Variants in STAU2 observed in about 807,000 individuals in gnomAD.
The protein encoded by STAU2 is staufen double-stranded RNA binding protein 2.
STAU2 carries 20 observed loss-of-function variants against 65.9 expected under a neutral mutation model. The observed-to-expected ratio is 0.30, with a 90% confidence interval of 0.21 to 0.44. The LOEUF (loss-of-function observed/expected upper bound fraction) is 0.44. Among genes scored for constraint, STAU2 ranks in the 20% least tolerant of loss-of-function variants. STAU2 has a pLI of 1.00. For missense variants in STAU2, 558 were observed against 683.9 expected, an observed-to-expected ratio of 0.82 and a Z score of 2.05; for synonymous variants, 232 against 233.9, an observed-to-expected ratio of 0.99 and a Z score of 0.07.
intron 12 of STAU2, among the ~76,000 whole-genome samples, chr8:73,573,174 A>G (rs913264061): frequency 1.1e-4 from 17 of 152,352 alleles, no homozygotes; most frequent in African/African-American, 4.1e-4. Flanking sequence ...AGAATACAAT[A>G]CCTAGGAATC....
chr8:73,742,511 C>A (rs996866871), intron 1 of STAU2: 1 of 151,826 alleles, frequency 6.6e-6, no homozygotes. Flanking sequence ...GCCTGGGTGA[C>A]AGAGTAAGAC....
chr8:73,732,175 G>A (rs1301467115), intron 3 of STAU2, among the ~76,000 whole-genome samples: 4 of 152,186 alleles, frequency 2.6e-5, no homozygotes, highest in Admixed American at 2.6e-4. Flanking sequence ...AGAGGCCTCA[G>A]TTCCTTGTTG....
chr8:73,457,742 A>G (rs1819144226), intron 13 of STAU2, among the ~76,000 whole-genome samples: 1 of 152,158 alleles, frequency 6.6e-6, no homozygotes, highest in Non-Finnish European at 1.5e-5. Flanking sequence ...GTTTTTATTC[A>G]CATAATTTCC....
At chr8:73,572,250 A>T (rs1809157964) in intron 12 of STAU2, among the ~76,000 whole-genome samples, 1 of 152,228 alleles carries the variant, frequency 6.6e-6, no homozygotes, top group Admixed American at 6.5e-5. Context: ...AAATTGAGGC[A>T]ATAATTAACA....
chr8:73,738,501 C>T (rs1806603271), intron 2 of STAU2, among the ~76,000 whole-genome samples, 152 bp from the exon 3 acceptor site: 1 of 152,226 alleles, frequency 6.6e-6, no homozygotes, highest in African/African-American at 2.4e-5. Flanking sequence ...ATGTTCTGTA[C>T]TTGCACTGTC....
At chr8:73,699,223 G>A (rs188332710) in intron 4 of STAU2, among the ~76,000 whole-genome samples, 1 of 151,580 alleles carries the variant, frequency 6.6e-6, no homozygotes, top group East Asian at 1.9e-4. Context: ...TCAAAAAAGT[G>A]GAAAAATTTC....
intron 13 of STAU2, among the ~76,000 whole-genome samples, chr8:73,451,189 A>G (rs1046314204): frequency 2.6e-5 from 4 of 152,134 alleles, no homozygotes; most frequent in Admixed American, 2.0e-4. Flanking sequence ...TGTGCTTTCT[A>G]CTTTTTGAAA....
At position 73,607,593 on chromosome 8, in the gene STAU2, C is replaced by T. The variant is rs549604588; in HGVS notation, c.892-3730G>A. On this transcript the variant is annotated intron_variant, in intron 9 of 14. Coordinates refer to ENST00000524300, the MANE Select transcript of STAU2 (RefSeq NM_001164380.2). ...AAAAAAAAACATACAAAAAATTAGCCGGGCATGGTGGCACATGTCTGTAAT... is the reference window on the plus strand; with the variant it reads ...AAAAAAAAACATACAAAAAATTAGCTGGGCATGGTGGCACATGTCTGTAAT... Among the ~76,000 whole-genome samples the T allele has an allele frequency of 7.9e-5, 12 of 151,760 alleles. No individual in the cohort carries two copies. The South Asian group carries it at 2.3e-3, about 29-fold the overall frequency.
chr8:73,453,613 C>A (rs193284977), intron 13 of STAU2, among the ~76,000 whole-genome samples: 1 of 152,260 alleles, frequency 6.6e-6, no homozygotes, highest in African/African-American at 2.4e-5. Flanking sequence ...TGCTTAGGTG[C>A]TTTGAGGCCT....
intron 13 of STAU2, among the ~76,000 whole-genome samples, chr8:73,442,108 A>C (rs1327184789): frequency 6.6e-6 from 1 of 152,138 alleles, no homozygotes. Context: ...TAATCCCAGC[A>C]CTTTGGGAGG....
At chr8:73,512,435 A>G (rs1251407036) in intron 13 of STAU2, among the ~76,000 whole-genome samples, 1 of 152,156 alleles carries the variant, frequency 6.6e-6, no homozygotes, top group Non-Finnish European at 1.5e-5. Context: ...GCAATATTTT[A>G]TAGTTTTCCA....
intron 12 of STAU2, among the ~76,000 whole-genome samples, chr8:73,569,998 T>G (rs187119946): frequency 2.0e-5 from 3 of 152,196 alleles, no homozygotes; most frequent in African/African-American, 7.2e-5. Flanking sequence ...CTTCAGATGA[T>G]TGGTAACAAC....
intron 5 of STAU2, among the ~76,000 whole-genome samples, chr8:73,684,647 T>C (rs1481073155): frequency 6.6e-6 from 1 of 152,002 alleles, no homozygotes; most frequent in East Asian, 1.9e-4. Context: ...CACAGTTAAA[T>C]AAATAATCAG....
At chr8:73,494,789 A>C (rs1477723373) in intron 13 of STAU2, among the ~76,000 whole-genome samples, 1 of 151,746 alleles carries the variant, frequency 6.6e-6, no homozygotes, top group Non-Finnish European at 1.5e-5. Context: ...CTTGTATTGT[A>C]ATTAGGAATC....
chr8:73,478,792 A>G (rs1464859926), intron 13 of STAU2, among the ~76,000 whole-genome samples: 1 of 152,182 alleles, frequency 6.6e-6, no homozygotes, highest in Non-Finnish European at 1.5e-5. Flanking sequence ...AATTGTAAAA[A>G]ATCACTTTAA....
chr8:73,651,321 G>A (rs750069017), intron 6 of STAU2: 22 of 677,512 alleles, frequency 3.2e-5, no homozygotes, highest in Non-Finnish European at 4.6e-5. Flanking sequence ...GAGCAGGTCC[G>A]TGGCTTGGAG....
At chr8:73,469,576 C>A (rs1819862996) in intron 13 of STAU2, among the ~76,000 whole-genome samples, 1 of 151,758 alleles carries the variant, frequency 6.6e-6, no homozygotes, top group East Asian at 1.9e-4. Flanking sequence ...AAAGAGAGGT[C>A]ACTGAATCAC....
chr8:73,480,604 C>T lies in STAU2; in HGVS notation c.1531-57902G>A, dbSNP rs1033263898. Among the ~76,000 whole-genome samples the T allele has an allele frequency of 5.3e-5, 8 of 152,202 alleles. No individual in the cohort carries two copies. In the East Asian group the frequency reaches 7.7e-4, roughly 15 times the overall value. On this transcript the variant is annotated intron_variant, in intron 13 of 14. Transcript: ENST00000524300. ...GACATGTCAAATTAATATATAGCCA[C>T]GGGATGGTTATATCCAAGAGATAAC...
At chr8:73,727,296 A>T (rs1391976307) in intron 3 of STAU2, among the ~76,000 whole-genome samples, 2 of 152,220 alleles carry the variant, frequency 1.3e-5, no homozygotes, top group Non-Finnish European at 2.9e-5. Flanking sequence ...ACAGTGTTGT[A>T]CAACTACCAC....
Sources: gnomAD v4.1 joint callset for allele counts (sites outside exome capture counted in the v4.1 genomes callset) on GRCh38, gnomAD v4.1.1 for gene constraint, MANE v1.5 for transcripts, NCBI Gene and HGNC (gene_info 2026-07-23, HGNC 2026-07-21) for gene names.